SHROOM4: variants seen among roughly 807,000 people sequenced by gnomAD.
SHROOM4 encodes protein Shroom4.
Under a neutral mutation model 80.3 loss-of-function variants are expected in SHROOM4, and 17 were observed. The ratio of observed to expected loss-of-function variants is 0.21; its 90% CI spans 0.14 to 0.32. The LOEUF (loss-of-function observed/expected upper bound fraction) is 0.32, where lower values mean the gene tolerates loss of function less well. Among genes scored for constraint, SHROOM4 ranks in the 10% least tolerant of loss-of-function variants. The probability of loss-of-function intolerance (pLI) is 1.00; values close to 1 mark genes in which losing one functional copy is unlikely to be tolerated. For missense variants in SHROOM4, 993 were observed against 1,140.3 expected (o/e 0.87, Z 1.86); for synonymous variants, 400 against 437.5 (o/e 0.91, Z 1.07).
At chrX:50,728,100 C>T (rs1212960911) in intron 1 of SHROOM4, among the ~76,000 whole-genome samples, 3 of 111,613 alleles carry the variant, frequency 2.7e-5, no homozygotes, top group Admixed American at 9.5e-5. Flanking sequence ...ATAGAAATAG[C>T]CCAAATCCCA....
chrX:50,747,178 T>A (rs151177971), intron 1 of SHROOM4, among the ~76,000 whole-genome samples: 2,512 of 111,957 alleles, frequency 0.022, 67 homozygotes, highest in African/African-American at 0.077. Flanking sequence ...TAATGTCAGA[T>A]TGCTAAGCTT....
intron 1 of SHROOM4, among the ~76,000 whole-genome samples, chrX:50,787,819 C>G (rs1415818736): frequency 3.7e-5 from 4 of 106,996 alleles, no homozygotes; most frequent in Non-Finnish European, 7.7e-5. Context: ...CCTGTCAAAA[C>G]TATCCTTCAA....
At chrX:50,612,591 C>G (rs1930048031) in intron 5 of SHROOM4, among the ~76,000 whole-genome samples, 1 of 110,945 alleles carries the variant, frequency 9.0e-6, no homozygotes, top group Admixed American at 9.6e-5. Context: ...AACTAGAGAC[C>G]CATCTCATCT....
intron 7 of SHROOM4, 145 bp from the exon 8 acceptor site, chrX:50,598,680 T>C (rs1299238416): frequency 4.3e-6 from 3 of 697,426 alleles, no homozygotes; most frequent in Non-Finnish European, 6.4e-6. Context: ...CTTGGGCAAG[T>C]CATGAGCAAC....
At chrX:50,729,498 T>C (rs782293651) in intron 1 of SHROOM4, among the ~76,000 whole-genome samples, 1 of 111,408 alleles carries the variant, frequency 9.0e-6, no homozygotes, top group Admixed American at 9.5e-5. Flanking sequence ...CAGAGAAATA[T>C]GGTACACCAT....
chrX:50,706,593 G>A (rs1557263974), intron 1 of SHROOM4, among the ~76,000 whole-genome samples: 1 of 111,643 alleles, frequency 9.0e-6, no homozygotes, highest in East Asian at 2.8e-4. Flanking sequence ...CCGGGATAGA[G>A]CATCTATTAG....
In SHROOM4 at chrX:50,761,831, G is replaced by C. The variant is rs181201434; in HGVS notation, c.117+52071C>G. On this transcript the variant is annotated intron_variant, in intron 1 of 8. Transcript: ENST00000376020. ...CTGCCTTGGCCTCCCAAAGTGCTGG[G>C]ATTACAAGCGTGAGCCACTGCGCCT... Among the ~76,000 whole-genome samples the C allele has an allele frequency of 1.9e-3, 217 of 111,644 alleles. 3 individuals are homozygous for C. Among genetic ancestry groups the C allele is most frequent in the African/African-American group, 6.2e-3 (190 of 30,742 alleles).
In SHROOM4 at chrX:50,814,107, A is replaced by C; in HGVS notation, c.-89T>G. On this transcript the variant is annotated 5_prime_UTR_variant, in exon 1 of 9. Coordinates refer to ENST00000376020, the MANE Select transcript of SHROOM4 (RefSeq NM_020717.5). ...AGCAGCTCCGCCACCATCGCCCTCC[A>C]GCTCTACGCCACCCCGCACCGCCCT... The C allele has an allele frequency of 1.6e-6, 1 of 616,876 alleles. No homozygotes were observed. 50.8% of individuals were successfully genotyped at this position (616,876 alleles called of 1,213,427 possible). A position where few individuals can be genotyped will look rare whatever the true frequency, so the allele number is the denominator to read the frequency against.
intron 5 of SHROOM4, among the ~76,000 whole-genome samples, chrX:50,624,698 G>A (rs1318675569): frequency 9.6e-6 from 1 of 103,784 alleles, no homozygotes; most frequent in African/African-American, 3.6e-5. Flanking sequence ...CTGCCGCCTC[G>A]AACACCTGGG....
At chrX:50,650,634 A>G (rs1268717383) in intron 2 of SHROOM4, among the ~76,000 whole-genome samples, 1 of 111,417 alleles carries the variant, frequency 9.0e-6, no homozygotes. Flanking sequence ...CTGGGATTAT[A>G]GGCGTGAGCC....
In SHROOM4 at chrX:50,590,163, A is replaced by C. The variant is rs1557245218; in HGVS notation, c.*6532T>G. ...ATGGCATATGGAGGTGGGGCCTTTG[A>C]GAGGTAAATTGGTTTAGATGAAGTC... On this transcript the variant is annotated 3_prime_UTR_variant, in exon 9 of 9. Transcript: ENST00000376020. Among the ~76,000 whole-genome samples the C allele has an allele frequency of 9.0e-6, 1 of 111,384 alleles. No individual in the cohort carries two copies. Among genetic ancestry groups the C allele is most frequent in the East Asian group, 2.8e-4 (1 of 3,543 alleles).
chrX:50,806,343 C>T (rs782241823), intron 1 of SHROOM4, among the ~76,000 whole-genome samples: 1 of 112,418 alleles, frequency 8.9e-6, no homozygotes, highest in East Asian at 2.8e-4. Context: ...GTCATCTTGA[C>T]TTTTGCAACT....
chrX:50,592,473 C>A lies in SHROOM4; in HGVS notation c.*4222G>T. 1 of 228,554 alleles carries A rather than the reference C, an allele frequency of 4.4e-6. No individual in the cohort carries two copies. Among genetic ancestry groups the A allele is most frequent in the South Asian group, 5.3e-5 (1 of 19,043 alleles). 18.8% of individuals were successfully genotyped at this position (228,554 alleles called of 1,213,427 possible). ...AGGTTCATTGAATAAGTGGCAGAACCAGGATTTGAACACAGTTCATTCTAA... is the reference window on the plus strand; with the variant it reads ...AGGTTCATTGAATAAGTGGCAGAACAAGGATTTGAACACAGTTCATTCTAA... On this transcript the variant is annotated 3_prime_UTR_variant, in exon 9 of 9. Coordinates refer to ENST00000376020, the MANE Select transcript of SHROOM4 (RefSeq NM_020717.5).
chrX:50,705,990 ACACAC>A (rs1247867443), intron 1 of SHROOM4, among the ~76,000 whole-genome samples: 1 of 5,330 alleles, frequency 1.9e-4, no homozygotes, highest in African/African-American at 2.4e-4. Flanking sequence ...CTCATCCTCT[ACACAC>A]ACACACACAC....
intron 1 of SHROOM4, among the ~76,000 whole-genome samples, chrX:50,729,452 A>G (rs1934316052): frequency 8.9e-6 from 1 of 111,986 alleles, no homozygotes; most frequent in Non-Finnish European, 1.9e-5. Context: ...GAGATTATAC[A>G]AAATGAACAG....
chrX:50,584,051 T>C, downstream of SHROOM4, among the ~76,000 whole-genome samples: 1 of 112,099 alleles, frequency 8.9e-6, no homozygotes, highest in Non-Finnish European at 1.9e-5. Context: ...TCTGTCTCTC[T>C]TGAGCTTTTG....
intron 2 of SHROOM4, among the ~76,000 whole-genome samples, chrX:50,666,911 A>G (rs1233145135): frequency 8.9e-6 from 1 of 111,818 alleles, no homozygotes; most frequent in Non-Finnish European, 1.9e-5. Flanking sequence ...GCATTCATTA[A>G]CTTTATACTT....
intron 1 of SHROOM4, among the ~76,000 whole-genome samples, chrX:50,721,593 G>A (rs1159678383): frequency 1.8e-5 from 2 of 111,112 alleles, no homozygotes; most frequent in African/African-American, 6.6e-5. Flanking sequence ...AAGGTCTTTA[G>A]GACCTGTATC....
chrX:50,729,625 T>C (rs1488848419), intron 1 of SHROOM4, among the ~76,000 whole-genome samples: 2 of 111,069 alleles, frequency 1.8e-5, no homozygotes, highest in African/African-American at 3.3e-5. Flanking sequence ...AAGGCTAACT[T>C]ACAAATCCAA....
Sources: gnomAD v4.1 joint callset for allele counts (sites outside exome capture counted in the v4.1 genomes callset) on GRCh38, gnomAD v4.1.1 for gene constraint, MANE v1.5 for transcripts, NCBI Gene and HGNC (gene_info 2026-07-23, HGNC 2026-07-21) for gene names.